The following PPEF1 variants were observed in gnomAD, a reference collection of about 807,000 sequenced individuals.
The protein encoded by PPEF1 is serine/threonine-protein phosphatase with EF-hands 1.
A neutral mutation model predicts 53.3 loss-of-function variants in PPEF1; 12 were observed. The ratio of observed to expected loss-of-function variants is 0.23; its 90% CI spans 0.14 to 0.36. The LOEUF is 0.36. Ranked by LOEUF, PPEF1 falls within the 10% of genes least tolerant of loss-of-function variation. The pLI is 1.00. For synonymous variants in PPEF1, 165 were observed against 176.7 expected (o/e 0.93, Z 0.52); for missense variants, 334 against 490.4 (o/e 0.68, Z 3.01).
intron 1 of PPEF1, among the ~76,000 whole-genome samples, chrX:18,721,968 C>T (rs991534191): frequency 7.1e-5 from 8 of 112,030 alleles, no homozygotes; most frequent in African/African-American, 2.6e-4. Flanking sequence ...CCTTGCTCTG[C>T]AGGGCTGCCA....
intron 10 of PPEF1, among the ~76,000 whole-genome samples, chrX:18,800,746 A>G (rs1473459826): frequency 9.0e-6 from 1 of 111,582 alleles, no homozygotes; most frequent in Non-Finnish European, 1.9e-5. Flanking sequence ...GATTATATGC[A>G]AATACTACGC....
At chrX:18,740,036 G>A (rs914907688) in intron 3 of PPEF1, among the ~76,000 whole-genome samples, 4 of 112,367 alleles carry the variant, frequency 3.6e-5, no homozygotes, top group East Asian at 5.6e-4. Flanking sequence ...CATCTGTCAC[G>A]GCTTCCCTTG....
intron 3 of PPEF1, among the ~76,000 whole-genome samples, chrX:18,744,699 C>A (rs1437277821): frequency 9.2e-6 from 1 of 108,852 alleles, no homozygotes; most frequent in Non-Finnish European, 1.9e-5. Context: ...ATTATATCTT[C>A]CATTGGTTAT....
At chrX:18,817,975 C>T (rs2046954763) in intron 12 of PPEF1, 64 bp from the exon 13 acceptor site, 1 of 845,417 alleles carries the variant, frequency 1.2e-6, no homozygotes, top group Non-Finnish European at 1.7e-6. Context: ...TAATATTGCA[C>T]ATTAAAATGA....
chrX:18,774,378 G>A (rs996387023), intron 6 of PPEF1, among the ~76,000 whole-genome samples: 2 of 112,257 alleles, frequency 1.8e-5, no homozygotes, highest in Admixed American at 9.4e-5. Context: ...TGTGGGCCAC[G>A]GCGCCCGGCC....
At chrX:18,810,002 T>C (rs1464820814) in intron 12 of PPEF1, among the ~76,000 whole-genome samples, 3 of 110,321 alleles carry the variant, frequency 2.7e-5, no homozygotes, top group African/African-American at 9.9e-5. Flanking sequence ...ATTGTATACC[T>C]TAAATATGTA....
chrX:18,735,279 T>A (rs1371542809), intron 3 of PPEF1, among the ~76,000 whole-genome samples: 1 of 111,881 alleles, frequency 8.9e-6, no homozygotes, highest in Non-Finnish European at 1.9e-5. Flanking sequence ...TTTAAGTCTT[T>A]AATCCATCTT....
rs144254101 is a variant in PPEF1 at position 18,793,007 on chromosome X, C to G, written c.1065+3734C>G. 2.7e-3 allele frequency among the ~76,000 whole-genome samples: 301 copies of G among 109,775 alleles called. 1 individual carries two copies. Among genetic ancestry groups the G allele is most frequent in the African/African-American group, 9.7e-3 (293 of 30,263 alleles). ...CTGAAGTGTGAACTGGCCTTATGTT[C>G]CCTGCCTCCAGACCTTATTTTCCTG... On this transcript the variant is annotated intron_variant, in intron 10 of 15. Coordinates refer to ENST00000470157, the MANE Select transcript of PPEF1 (RefSeq NM_001377996.1).
chrX:18,715,762 T>C (rs73458639), intron 1 of PPEF1, among the ~76,000 whole-genome samples: 2,743 of 111,522 alleles, frequency 0.025, 85 homozygotes, highest in African/African-American at 0.082. Flanking sequence ...AGAGCCTGAA[T>C]TGGAACCAGA....
chrX:18,732,836 T>C (rs190867894), intron 2 of PPEF1, among the ~76,000 whole-genome samples: 9 of 112,325 alleles, frequency 8.0e-5, no homozygotes, highest in African/African-American at 2.6e-4. Context: ...AGTTCCACCT[T>C]TCCCTTCCTT....
intron 3 of PPEF1, among the ~76,000 whole-genome samples, chrX:18,746,572 TGA>T (rs906865882): frequency 6.3e-5 from 7 of 111,652 alleles, no homozygotes; most frequent in African/African-American, 2.3e-4. Context: ...GTAACAAGAC[TGA>T]GTCTTCATAA....
chrX:18,699,084 A>G (rs2238951), intron 5 of PPEF1, among the ~76,000 whole-genome samples: 41,541 of 109,920 alleles, frequency 0.38, 6,341 homozygotes, highest in Non-Finnish European at 0.49. Context: ...TACATTGTCC[A>G]CTATTTTTTT....
intron 12 of PPEF1, among the ~76,000 whole-genome samples, chrX:18,814,044 T>C (rs1333463217): frequency 9.0e-6 from 1 of 110,973 alleles, no homozygotes; most frequent in Non-Finnish European, 1.9e-5. Context: ...CATCTTTATG[T>C]CCATGTGTAC....
At chrX:18,764,866 C>T (rs1336631173) in intron 6 of PPEF1, among the ~76,000 whole-genome samples, 2 of 111,114 alleles carry the variant, frequency 1.8e-5, no homozygotes, top group Non-Finnish European at 3.8e-5. Flanking sequence ...TATGAAAGTG[C>T]GATAAGGGAT....
intron 1 of PPEF1, among the ~76,000 whole-genome samples, chrX:18,714,920 A>G (rs2044420562): frequency 8.9e-6 from 1 of 111,995 alleles, no homozygotes; most frequent in Admixed American, 9.5e-5. Context: ...TCCTGTTTCC[A>G]CTGGTCTGAC....
intron 1 of PPEF1, among the ~76,000 whole-genome samples, chrX:18,727,862 TAA>T (rs1045141258): frequency 3.6e-5 from 4 of 111,742 alleles, no homozygotes; most frequent in African/African-American, 9.8e-5. Flanking sequence ...AGGAAACAGA[TAA>T]AGAGATGCAT....
At chrX:18,802,252 G>A (rs899197238) in intron 10 of PPEF1, among the ~76,000 whole-genome samples, 1 of 109,726 alleles carries the variant, frequency 9.1e-6, no homozygotes, top group African/African-American at 3.3e-5. Flanking sequence ...TTAAGTTTTT[G>A]TAGAGATGGG....
At chrX:18,762,665 G>A (rs2045689895) in intron 6 of PPEF1, among the ~76,000 whole-genome samples, 1 of 112,026 alleles carries the variant, frequency 8.9e-6, no homozygotes, top group Admixed American at 9.4e-5. Flanking sequence ...CCCCTTTTTA[G>A]ACCACATAGG....
intron 1 of PPEF1, among the ~76,000 whole-genome samples, chrX:18,718,642 G>A (rs2044514541): frequency 9.0e-6 from 1 of 111,618 alleles, no homozygotes; most frequent in Admixed American, 9.5e-5. Context: ...CCCAAAGAGA[G>A]CAGAACCACC....
Sources: allele counts gnomAD v4.1 joint callset (sites outside exome capture counted in the v4.1 genomes callset), GRCh38; gene constraint gnomAD v4.1.1; transcripts MANE v1.5; gene names NCBI Gene and HGNC (gene_info 2026-07-23, HGNC 2026-07-21).